Variants in KLHL32 observed in about 807,000 individuals in gnomAD.
The protein encoded by KLHL32 is kelch-like protein 32.
Under a neutral mutation model 64.8 loss-of-function variants are expected in KLHL32, and 35 were observed. The ratio of observed to expected loss-of-function variants is 0.54; its 90% CI spans 0.41 to 0.72. The LOEUF (loss-of-function observed/expected upper bound fraction) is 0.72. Ranked by LOEUF, KLHL32 falls within the 30% of genes least tolerant of loss-of-function variation. The pLI, the probability that KLHL32 is intolerant of heterozygous loss-of-function variation, is 0.00. For synonymous variants in KLHL32, 259 were observed against 281.0 expected, an observed-to-expected ratio of 0.92 and a Z score of 0.78; for missense variants, 589 against 768.5, an observed-to-expected ratio of 0.77 and a Z score of 2.76.
At chr6:96,986,671 A>C (rs1368592608) in intron 3 of KLHL32, among the ~76,000 whole-genome samples, 1 of 152,180 alleles carries the variant, frequency 6.6e-6, no homozygotes, top group Admixed American at 6.5e-5. Context: ...CCCTCCAAGC[A>C]ATGCACGGGA....
At chr6:97,054,886 C>T (rs1787549213) in intron 4 of KLHL32, among the ~76,000 whole-genome samples, 1 of 152,106 alleles carries the variant, frequency 6.6e-6, no homozygotes. Context: ...ATGCATTGGG[C>T]TGATATCGTG....
intron 3 of KLHL32, among the ~76,000 whole-genome samples, chr6:96,987,077 G>A (rs1040073289): frequency 2.6e-5 from 4 of 151,948 alleles, no homozygotes; most frequent in South Asian, 2.1e-4. Context: ...ATTTTTTATT[G>A]CATCTATTTC....
intron 1 of KLHL32, among the ~76,000 whole-genome samples, chr6:96,932,743 A>T (rs915533944): frequency 6.6e-5 from 10 of 151,674 alleles, no homozygotes; most frequent in African/African-American, 1.7e-4. Flanking sequence ...ATTTTTAAAA[A>T]TTTTTTTGTA....
intron 6 of KLHL32, among the ~76,000 whole-genome samples, chr6:97,098,955 T>C (rs902438787): frequency 6.6e-6 from 1 of 152,242 alleles, no homozygotes; most frequent in Non-Finnish European, 1.5e-5. Context: ...TTAATTTTCA[T>C]ATTAACTTGT....
At chr6:96,905,480 A>G in the KLHL32 span, among the ~76,000 whole-genome samples, 6 of 152,222 alleles carry the variant, frequency 3.9e-5, no homozygotes, top group Non-Finnish European at 7.3e-5. Context: ...ATTACTAACC[A>G]GCTTGGCATC....
intron 7 of KLHL32, chr6:97,114,711 A>G (rs1797638003): frequency 3.1e-6 from 2 of 639,388 alleles, no homozygotes; most frequent in Admixed American, 2.9e-5. Context: ...TGACTTTCTG[A>G]GTGACTAATG....
At chr6:96,903,221 G>A in the KLHL32 span, among the ~76,000 whole-genome samples, 26 of 151,624 alleles carry the variant, frequency 1.7e-4, 1 homozygote, top group East Asian at 4.8e-3. Flanking sequence ...GAAAGAATAC[G>A]ATCATAAATA....
intron 3 of KLHL32, among the ~76,000 whole-genome samples, chr6:97,028,604 T>C (rs1449674146): frequency 6.6e-6 from 1 of 152,242 alleles, no homozygotes; most frequent in East Asian, 1.9e-4. Context: ...CAGTCATTCC[T>C]TCGTGCAAGC....
chr6:97,024,710 A>G (rs938467229), intron 3 of KLHL32, among the ~76,000 whole-genome samples: 3 of 152,184 alleles, frequency 2.0e-5, no homozygotes, highest in Non-Finnish European at 1.5e-5. Context: ...ATAATGGTGA[A>G]GTCTGGTCTA....
chr6:96,989,573 C>T (rs571606954), intron 3 of KLHL32, among the ~76,000 whole-genome samples: 48 of 152,132 alleles, frequency 3.2e-4, no homozygotes, highest in South Asian at 2.1e-3. Flanking sequence ...GACAACTGTG[C>T]GTCTTGGGGA....
At chr6:96,943,811 C>T (rs1204227161) in intron 1 of KLHL32, among the ~76,000 whole-genome samples, 1 of 152,322 alleles carries the variant, frequency 6.6e-6, no homozygotes, top group South Asian at 2.1e-4. Flanking sequence ...AGGGAAAAGT[C>T]ATATCTGGCA....
intron 6 of KLHL32, among the ~76,000 whole-genome samples, chr6:97,096,397 G>C (rs1010780468): frequency 6.6e-6 from 1 of 152,118 alleles, no homozygotes; most frequent in African/African-American, 2.4e-5. Context: ...TTGGCTCGTT[G>C]GTCTCAGCAT....
At chr6:97,087,500 A>G (rs756959905) in intron 6 of KLHL32, among the ~76,000 whole-genome samples, 13 of 152,218 alleles carry the variant, frequency 8.5e-5, no homozygotes, top group Non-Finnish European at 1.6e-4. Context: ...GAACGTTCTC[A>G]CTGTAATAAA....
intron 9 of KLHL32, 111 bp from the exon 10 acceptor site, chr6:97,132,542 A>G: frequency 1.4e-6 from 1 of 725,010 alleles, no homozygotes; most frequent in Non-Finnish European, 2.3e-6. Flanking sequence ...AATCCCATGG[A>G]GTATACAAAT....
intron 3 of KLHL32, among the ~76,000 whole-genome samples, chr6:97,021,903 G>T (rs1481331438): frequency 1.3e-5 from 2 of 150,756 alleles, no homozygotes; most frequent in Non-Finnish European, 2.9e-5. Context: ...AATGCAGGCC[G>T]CAATTATCTG....
intron 5 of KLHL32, among the ~76,000 whole-genome samples, chr6:97,074,146 C>G (rs566016034): frequency 6.6e-6 from 1 of 152,296 alleles, no homozygotes; most frequent in South Asian, 2.1e-4. Context: ...GAAATGCATA[C>G]TCCAGAGTAA....
intron 1 of KLHL32, among the ~76,000 whole-genome samples, chr6:96,954,166 C>G (rs1054509530): frequency 2.6e-5 from 4 of 152,026 alleles, no homozygotes; most frequent in African/African-American, 9.7e-5. Flanking sequence ...TAATAACTTC[C>G]TGGGAAACAA....
chr6:96,914,813 G>A, the KLHL32 span: 1 of 152,114 alleles, frequency 6.6e-6, no homozygotes, highest in African/African-American at 2.4e-5. Flanking sequence ...ACCTGGGCTG[G>A]TTCACCCCAC....
chr6:97,008,768 C>G (rs1779993171), intron 3 of KLHL32, among the ~76,000 whole-genome samples: 2 of 152,160 alleles, frequency 1.3e-5, no homozygotes, highest in African/African-American at 4.8e-5. Context: ...AGCATCCTTT[C>G]CCTCCAGCCT....
Sources: gnomAD v4.1 joint callset for allele counts (sites outside exome capture counted in the v4.1 genomes callset) on GRCh38, gnomAD v4.1.1 for gene constraint, MANE v1.5 for transcripts, NCBI Gene and HGNC (gene_info 2026-07-23, HGNC 2026-07-21) for gene names.